The following LPAR1 variants were observed in gnomAD, a reference collection of about 807,000 sequenced individuals.
The protein encoded by LPAR1 is LPA receptor 1.
In LPAR1, 5 loss-of-function variants were observed where a neutral mutation model predicts 23.8. That is an observed-to-expected ratio of 0.21 (90% CI 0.11 to 0.44). LPAR1 has a LOEUF of 0.44. Ranked by LOEUF, LPAR1 falls within the 20% of genes least tolerant of loss-of-function variation. The pLI is 0.99. For missense variants in LPAR1, 311 were observed against 482.8 expected (o/e 0.64, Z 3.33); for synonymous variants, 160 against 164.7 (o/e 0.97, Z 0.22).
chr9:110,917,896 T>A (rs979576074), intron 5 of LPAR1, among the ~76,000 whole-genome samples: 2 of 152,074 alleles, frequency 1.3e-5, no homozygotes, highest in Non-Finnish European at 2.9e-5. Flanking sequence ...TGCATCTTTT[T>A]AAGCTGTCTT....
chr9:110,915,387 C>T (rs909300550), intron 5 of LPAR1, among the ~76,000 whole-genome samples: 27 of 139,110 alleles, frequency 1.9e-4, no homozygotes, highest in African/African-American at 6.4e-4. Context: ...AAATACAAAA[C>T]TTAGCCAGGG....
At chr9:110,943,918 T>C (rs557651123) in intron 4 of LPAR1, among the ~76,000 whole-genome samples, 17 of 151,128 alleles carry the variant, frequency 1.1e-4, no homozygotes, top group African/African-American at 3.9e-4. Flanking sequence ...CCACTGGACA[T>C]GTTTTAAGGG....
intron 5 of LPAR1, among the ~76,000 whole-genome samples, chr9:110,933,831 G>C (rs146658354): frequency 6.6e-6 from 1 of 152,288 alleles, no homozygotes; most frequent in African/African-American, 2.4e-5. Flanking sequence ...ACTTCAAAAG[G>C]AACTCTGTTA....
chr9:110,943,433 G>A (rs2095248730), intron 4 of LPAR1, among the ~76,000 whole-genome samples: 1 of 151,998 alleles, frequency 6.6e-6, no homozygotes. Flanking sequence ...TACTTAAGTG[G>A]TTAGTCTTCT....
At chr9:110,966,153 A>G (rs1003864354) in intron 4 of LPAR1, among the ~76,000 whole-genome samples, 8 of 152,128 alleles carry the variant, frequency 5.3e-5, no homozygotes, top group Non-Finnish European at 1.2e-4. Context: ...GAGGGAGAGC[A>G]TTAGAACAAA....
At chr9:111,038,532 C>G (rs1448940763), upstream of LPAR1, 3 of 445,004 alleles carry the variant, frequency 6.7e-6, no homozygotes, top group East Asian at 1.6e-4. This position sits in a 1 kb window ranked among gnomAD's most constrained non-coding sequence, Gnocchi z 4.4. Context: ...GGAGCAGCGC[C>G]GACGCCAGCC....
chr9:111,010,647 G>A (rs2097314922), intron 2 of LPAR1, among the ~76,000 whole-genome samples: 1 of 152,040 alleles, frequency 6.6e-6, no homozygotes. Context: ...ACCCACATCA[G>A]ACAATTTTTT....
chr9:110,965,094 C>A (rs2096163868), intron 4 of LPAR1, among the ~76,000 whole-genome samples: 1 of 152,036 alleles, frequency 6.6e-6, no homozygotes, highest in Non-Finnish European at 1.5e-5. Flanking sequence ...TGGTCTCAAA[C>A]TTCTGACAGG....
chr9:111,023,074 A>C (rs2097594217), intron 2 of LPAR1, among the ~76,000 whole-genome samples: 1 of 150,586 alleles, frequency 6.6e-6, no homozygotes, highest in African/African-American at 2.4e-5. Flanking sequence ...AAAAAAAAAA[A>C]AAACCCTGCT....
intron 4 of LPAR1, among the ~76,000 whole-genome samples, chr9:110,958,504 G>A (rs984573666): frequency 2.6e-5 from 4 of 152,178 alleles, no homozygotes; most frequent in African/African-American, 4.8e-5. Flanking sequence ...AATAAGTGGT[G>A]CTGGGAAAAC....
intron 5 of LPAR1, among the ~76,000 whole-genome samples, chr9:110,895,709 G>T (rs1227654966): frequency 6.6e-6 from 1 of 152,150 alleles, no homozygotes; most frequent in African/African-American, 2.4e-5. Flanking sequence ...GGCCACCTCG[G>T]TAAGATTGGA....
chr9:110,962,204 C>G (rs1283510526), intron 4 of LPAR1, among the ~76,000 whole-genome samples: 1 of 152,158 alleles, frequency 6.6e-6, no homozygotes, highest in Non-Finnish European at 1.5e-5. Flanking sequence ...CTGACCATGA[C>G]AGCTCATTCC....
At chr9:111,001,983 T>C (rs1237475872) in intron 2 of LPAR1, among the ~76,000 whole-genome samples, 2 of 152,158 alleles carry the variant, frequency 1.3e-5, no homozygotes, top group Non-Finnish European at 2.9e-5. Flanking sequence ...GACTAATAAA[T>C]ACCCTGGATA....
At chr9:110,981,178 A>G (rs1224483710) in intron 2 of LPAR1, among the ~76,000 whole-genome samples, 1 of 152,110 alleles carries the variant, frequency 6.6e-6, no homozygotes, top group Non-Finnish European at 1.5e-5. Context: ...AACTTTTAAC[A>G]GTTTGGTTGG....
chr9:110,964,799 T>C (rs1318166304), intron 4 of LPAR1, among the ~76,000 whole-genome samples: 1 of 148,040 alleles, frequency 6.8e-6, no homozygotes, highest in Non-Finnish European at 1.5e-5. Flanking sequence ...TACCTATTGG[T>C]AAGGATGTCC....
chr9:110,934,884 CT>C (rs1176833583), intron 5 of LPAR1, among the ~76,000 whole-genome samples: 3 of 151,704 alleles, frequency 2.0e-5, no homozygotes, highest in African/African-American at 7.3e-5. Context: ...AGAGCACAAA[CT>C]TAATATAAAA....
At chr9:111,007,156 C>T (rs1288983565) in intron 2 of LPAR1, among the ~76,000 whole-genome samples, 3 of 152,058 alleles carry the variant, frequency 2.0e-5, no homozygotes, top group South Asian at 4.2e-4. Flanking sequence ...TTTTGTGAGG[C>T]CTCCCCAGAA....
intron 2 of LPAR1, among the ~76,000 whole-genome samples, chr9:111,005,581 G>GAAA (rs2097203974): frequency 1.1e-5 from 1 of 93,542 alleles, no homozygotes. Context: ...AAAAAAAGAA[G>GAAA]AATTGGGAAG....
At chr9:110,965,735 C>T (rs188102137) in intron 4 of LPAR1, among the ~76,000 whole-genome samples, 2 of 152,278 alleles carry the variant, frequency 1.3e-5, no homozygotes, top group Admixed American at 1.3e-4. Context: ...GGATGTAGAA[C>T]CAGAAATACC....
Sources: allele counts gnomAD v4.1 joint callset (sites outside exome capture counted in the v4.1 genomes callset), GRCh38; gene constraint gnomAD v4.1.1; non-coding constraint Gnocchi (gnomAD v3.1); transcripts MANE v1.5; gene names NCBI Gene and HGNC (gene_info 2026-07-23, HGNC 2026-07-21).